PPIL4: variants seen among roughly 807,000 people sequenced by gnomAD.
PPIL4 encodes peptidyl-prolyl cis-trans isomerase-like 4.
PPIL4 carries 50 observed loss-of-function variants against 69.1 expected under a neutral mutation model. The ratio of observed to expected loss-of-function variants is 0.72; its 90% CI spans 0.58 to 0.92. The LOEUF is 0.92. Among genes scored for constraint, PPIL4 ranks in the 40% least tolerant of loss-of-function variants. The pLI is 0.00. For synonymous variants in PPIL4, 193 were observed against 191.6 expected (o/e 1.01, Z -0.06); for missense variants, 480 against 587.9 (o/e 0.82, Z 1.90).
At position 149,525,164 on chromosome 6, in the gene PPIL4, G is replaced by GT. The variant is rs1421593229; in HGVS notation, c.848dup (p.Tyr283Ter). The part of the protein sequence containing the change: ...RDWKTGESLC[Y>*]AFIEFEKEED... ...ATACCTTTTCAAATTCAATAAAAGC[G>GT]TAACAGAGGGACTCTCCTGTCTTCC... is the stretch of plus-strand genomic sequence containing the variant. The change falls in exon 9 of 13, where the codon TAC (tyrosine) becomes TAAC (stop). Residue 283 changes from tyrosine (Y) to a stop codon, truncating the protein, a stop_gained and frameshift_variant. Transcript: ENST00000253329. LOFTEE classifies it high-confidence loss of function. The GT allele has an allele frequency of 7.1e-6, 11 of 1,555,212 alleles. No individual in the cohort carries two copies. The highest frequency in any genetic ancestry group is 8.8e-6 in the Non-Finnish European group (10 of 1,138,126).
chr6:149,514,567 C>CT (rs1360884063), intron 11 of PPIL4, among the ~76,000 whole-genome samples: 1 of 152,176 alleles, frequency 6.6e-6, no homozygotes, highest in Non-Finnish European at 1.5e-5. Context: ...AATGATCCAC[C>CT]TGCCTCAGTC....
intron 12 of PPIL4, among the ~76,000 whole-genome samples, chr6:149,505,970 C>A (rs1036417869): frequency 3.9e-5 from 6 of 152,158 alleles, no homozygotes; most frequent in South Asian, 2.1e-4. Flanking sequence ...AATAGCTCAA[C>A]TGAAATCAGA....
At position 149,541,028 on chromosome 6, in the gene PPIL4, C is replaced by T. The variant is rs1475668856; in HGVS notation, c.235G>A (p.Glu79Lys). 2 of 1,611,698 alleles carry T rather than the reference C, an allele frequency of 1.2e-6. No homozygotes were observed. Among genetic ancestry groups the T allele is most frequent in the Non-Finnish European group, 1.7e-6 (2 of 1,178,536 alleles). The change falls in exon 4 of 13, where the codon GAG becomes AAG. Residue 79 changes from glutamate (E) to lysine (K), a missense_variant. Glu to Lys is a moderately conservative substitution (Grantham distance 56). Transcript: ENST00000253329. ...QLYGDQASFF[E>K]AEKVPRIKHK... ...TTAATTCTTGGGACTTTTTCTGCCT[C>T]AAAAAAGCTTGCTTGATCACCATAC...
chr6:149,530,596 T>C (rs886996567), intron 7 of PPIL4, among the ~76,000 whole-genome samples: 1 of 150,090 alleles, frequency 6.7e-6, no homozygotes, highest in Non-Finnish European at 1.5e-5. Flanking sequence ...GAGGCAGAGG[T>C]TGCAGTGAGC....
chr6:149,539,792 T>C (rs1302828932), intron 4 of PPIL4, among the ~76,000 whole-genome samples: 2 of 152,204 alleles, frequency 1.3e-5, no homozygotes, highest in African/African-American at 2.4e-5. Context: ...AAAAAGATTA[T>C]GATTTACTGA....
chr6:149,513,291 A>G (rs1322721000), intron 11 of PPIL4, among the ~76,000 whole-genome samples: 1 of 145,316 alleles, frequency 6.9e-6, no homozygotes, highest in Non-Finnish European at 1.5e-5. Flanking sequence ...AGGCTGAGGC[A>G]GGAAAATCAT....
intron 7 of PPIL4, among the ~76,000 whole-genome samples, chr6:149,531,155 G>A (rs551369875): frequency 6.6e-6 from 1 of 152,154 alleles, no homozygotes; most frequent in Admixed American, 6.5e-5. Context: ...CCTGAGGTCG[G>A]GAGTTGGAGA....
chr6:149,530,520 G>A (rs1196182693), intron 7 of PPIL4, among the ~76,000 whole-genome samples: 4 of 152,068 alleles, frequency 2.6e-5, no homozygotes, highest in Non-Finnish European at 5.9e-5. Flanking sequence ...TTAGCTGGGC[G>A]TGGTGGCGGG....
At chr6:149,505,787 T>C (rs1776761607) in intron 12 of PPIL4, 83 bp from the exon 13 acceptor site, 4 of 1,328,702 alleles carry the variant, frequency 3.0e-6, no homozygotes, top group Non-Finnish European at 2.1e-6. Context: ...CTTAGAAAAG[T>C]CTACCATTAG....
intron 9 of PPIL4, among the ~76,000 whole-genome samples, chr6:149,522,976 T>C (rs1007889589): frequency 1.3e-5 from 2 of 152,132 alleles, no homozygotes; most frequent in African/African-American, 4.8e-5. Flanking sequence ...CGAAACAATG[T>C]AATACAATAC....
chr6:149,533,437 G>C, intron 7 of PPIL4, 21 bp downstream of exon 7: 1 of 1,282,752 alleles, frequency 7.8e-7, no homozygotes, highest in Non-Finnish European at 1.1e-6. Context: ...AGAACAATTT[G>C]AACAAAGATA....
chr6:149,524,863 T>G (rs996356884), intron 9 of PPIL4, among the ~76,000 whole-genome samples: 2 of 151,732 alleles, frequency 1.3e-5, no homozygotes, highest in Non-Finnish European at 2.9e-5. Context: ...ACTGCGCCAC[T>G]GCACTCCAGC....
chr6:149,522,862 C>T (rs544915021), intron 9 of PPIL4, among the ~76,000 whole-genome samples: 4 of 152,226 alleles, frequency 2.6e-5, no homozygotes, highest in East Asian at 1.9e-4. Flanking sequence ...CCACCCACCT[C>T]GGCCTCCCAA....
In PPIL4 at chr6:149,527,020, C is replaced by A. The variant is rs181457785; in HGVS notation, c.679-244G>T. Among the ~76,000 whole-genome samples the A allele has an allele frequency of 6.6e-3, 1,002 of 152,292 alleles. 11 individuals carry two copies. Among genetic ancestry groups the A allele is most frequent in the African/African-American group, 0.023 (951 of 41,556 alleles). ...GTGAACAGTGCTTGGAGCTTCAGAT[C>A]TATTACGCTAATTCTTGAAACAATC... On this transcript the variant is annotated intron_variant, in intron 7 of 12. Transcript: ENST00000253329.
At chr6:149,526,041 GTGAGCC>G (rs1161991598) in intron 8 of PPIL4, among the ~76,000 whole-genome samples, 14 of 152,198 alleles carry the variant, frequency 9.2e-5, no homozygotes, top group African/African-American at 3.1e-4. Flanking sequence ...AGAGGTTGCA[GTGAGCC>G]GAGATCACAT....
At chr6:149,506,243 T>C (rs1371641963) in intron 12 of PPIL4, among the ~76,000 whole-genome samples, 2 of 151,992 alleles carry the variant, frequency 1.3e-5, no homozygotes, top group African/African-American at 2.4e-5. Flanking sequence ...CTTTGGGAGG[T>C]TGAGGTGGAT....
At chr6:149,510,304 G>T (rs1211967571) in intron 12 of PPIL4, among the ~76,000 whole-genome samples, 1 of 151,964 alleles carries the variant, frequency 6.6e-6, no homozygotes, top group East Asian at 1.9e-4. Context: ...ACCCACAGAG[G>T]GAAGAAGGAA....
At chr6:149,543,387 T>A (rs1777393027) in intron 1 of PPIL4, among the ~76,000 whole-genome samples, 1 of 152,140 alleles carries the variant, frequency 6.6e-6, no homozygotes, top group South Asian at 2.1e-4. Context: ...TTTCTCAAAA[T>A]TTTTTCAAGG....
chr6:149,530,392 G>A (rs991970844), intron 7 of PPIL4, among the ~76,000 whole-genome samples: 2 of 149,754 alleles, frequency 1.3e-5, no homozygotes, highest in Admixed American at 6.6e-5. Flanking sequence ...CGGGCACAGT[G>A]GCTCACACCT....
Sources: gnomAD v4.1 joint callset for allele counts (sites outside exome capture counted in the v4.1 genomes callset) on GRCh38, gnomAD v4.1.1 for gene constraint, MANE v1.5 for transcripts, NCBI Gene and HGNC (gene_info 2026-07-23, HGNC 2026-07-21) for gene names.